Variants in DYM observed in about 807,000 individuals in gnomAD.
DYM encodes the protein dyggve-Melchior-Clausen syndrome protein.
In DYM, 78 loss-of-function variants were observed where a neutral mutation model predicts 93.1. The ratio of observed to expected loss-of-function variants is 0.84; its 90% CI spans 0.70 to 1.01. The LOEUF is 1.01. DYM is among the 50% of genes least tolerant of loss of function. DYM has a pLI of 0.00. For missense variants in DYM, 789 were observed against 845.0 expected (o/e 0.93, Z 0.82); for synonymous variants, 321 against 319.7 (o/e 1.00, Z -0.04).
intron 1 of DYM, among the ~76,000 whole-genome samples, chr18:49,440,948 T>TAA (rs1568451454): frequency 0.013 from 4 of 300 alleles, 2 homozygotes; most frequent in African/African-American, 0.087. Context: ...ATATAATATA[T>TAA]TATATAAATA....
intron 14 of DYM, chr18:49,206,011 G>GTTTTTTTTTTTTTTGTTTTTTTT (rs61590334): frequency 1.0e-4 from 14 of 135,984 alleles, no homozygotes; most frequent in African/African-American, 3.0e-4. Context: ...TTGTTTTTTT[G>GTTTTTTTTTTTTTTGTTTTTTTT]TTTTTTGCGG....
At chr18:49,199,757 A>G (rs2091849117) in intron 14 of DYM, among the ~76,000 whole-genome samples, 1 of 152,220 alleles carries the variant, frequency 6.6e-6, no homozygotes, top group Admixed American at 6.5e-5. Flanking sequence ...AGCAATTTTT[A>G]AAACTTGTTT....
chr18:49,313,446 G>C (rs867632051), intron 8 of DYM, among the ~76,000 whole-genome samples: 4 of 95,424 alleles, frequency 4.2e-5, no homozygotes, highest in Non-Finnish European at 5.7e-5. Flanking sequence ...CTCGGCAACA[G>C]AGCAAGACTC....
intron 10 of DYM, among the ~76,000 whole-genome samples, chr18:49,279,099 G>A (rs2094911827): frequency 6.6e-6 from 1 of 152,110 alleles, no homozygotes; most frequent in African/African-American, 2.4e-5. Context: ...AAATGTAAGA[G>A]TCACTGTATT....
intron 11 of DYM, among the ~76,000 whole-genome samples, chr18:49,266,190 T>C (rs1355058506): frequency 6.6e-6 from 1 of 152,206 alleles, no homozygotes; most frequent in Admixed American, 6.5e-5. Flanking sequence ...AATGTTCTCA[T>C]GCTTCTCACT....
intron 14 of DYM, chr18:49,208,737 T>C (rs1012036160): frequency 6.6e-6 from 1 of 152,152 alleles, no homozygotes; most frequent in Non-Finnish European, 1.5e-5. Flanking sequence ...ATCTAAATCA[T>C]CTGGCAGTGA....
intron 8 of DYM, among the ~76,000 whole-genome samples, chr18:49,307,960 C>T (rs1425459974): frequency 6.6e-6 from 1 of 152,178 alleles, no homozygotes; most frequent in East Asian, 1.9e-4. Flanking sequence ...CAAACTGCAC[C>T]TTTCTCTAGT....
At chr18:49,376,835 A>G (rs1341810928) in intron 5 of DYM, among the ~76,000 whole-genome samples, 3 of 152,226 alleles carry the variant, frequency 2.0e-5, no homozygotes, top group Non-Finnish European at 4.4e-5. Context: ...CTAATTTGGA[A>G]ATACACTGAG....
intron 9 of DYM, among the ~76,000 whole-genome samples, chr18:49,283,544 T>A (rs1338672071): frequency 1.3e-5 from 2 of 152,106 alleles, no homozygotes; most frequent in African/African-American, 4.8e-5. Flanking sequence ...TTAACTGGAT[T>A]TGCTGAGAAA....
chr18:49,126,468 C>T (rs965776111), intron 15 of DYM: 1 of 152,194 alleles, frequency 6.6e-6, no homozygotes, highest in South Asian at 2.1e-4. Flanking sequence ...AAATGAAATT[C>T]TTTATGTTTC....
intron 2 of DYM, among the ~76,000 whole-genome samples, chr18:49,421,894 A>G (rs954317862): frequency 6.6e-6 from 1 of 152,220 alleles, no homozygotes; most frequent in East Asian, 1.9e-4. Context: ...CAACTGAAAG[A>G]AAGGGTATCA....
At chr18:49,409,280 T>C (rs1196139218) in intron 2 of DYM, among the ~76,000 whole-genome samples, 1 of 132,170 alleles carries the variant, frequency 7.6e-6, no homozygotes, top group Non-Finnish European at 1.6e-5. Flanking sequence ...TGAGACTCTG[T>C]CTCAAAAAAA....
chr18:49,178,273 TAA>T (rs948704158), intron 14 of DYM, among the ~76,000 whole-genome samples: 2 of 152,070 alleles, frequency 1.3e-5, no homozygotes, highest in African/African-American at 4.8e-5. Flanking sequence ...GGGAAAAATC[TAA>T]GAGTAGTGTG....
At chr18:49,359,570 C>T (rs545434440) in intron 6 of DYM, among the ~76,000 whole-genome samples, 39 of 152,234 alleles carry the variant, frequency 2.6e-4, no homozygotes, top group African/African-American at 8.9e-4. Flanking sequence ...AATAAGGTAT[C>T]ATTTACATTT....
At position 49,142,010 on chromosome 18, in the gene DYM, C is replaced by T. The variant is rs560192166; in HGVS notation, c.1728+21675G>A. The stretch of plus-strand genomic sequence containing the variant: ...CTGGGACTACAGGCGCCCACCACCA[C>T]GCCCGGCTAATTTTTTTTTTTTTTT... On this transcript the variant is annotated intron_variant, in intron 15 of 17. Transcript: ENST00000675505. Among the ~76,000 whole-genome samples, 10 of 150,922 alleles carry T rather than the reference C, an allele frequency of 6.6e-5. No individual in the cohort carries two copies. The South Asian group carries it at 1.5e-3, about 22-fold the overall frequency.
chr18:49,385,639 G>A (rs1255498344), intron 3 of DYM, among the ~76,000 whole-genome samples: 2 of 151,924 alleles, frequency 1.3e-5, no homozygotes, highest in African/African-American at 2.4e-5. Context: ...AGGTTGCAGT[G>A]AGTGGAGATC....
intron 9 of DYM, among the ~76,000 whole-genome samples, chr18:49,285,597 C>G (rs1000049716): frequency 6.6e-6 from 1 of 152,228 alleles, no homozygotes; most frequent in Non-Finnish European, 1.5e-5. Context: ...TTGAATAGGT[C>G]TGTTGGCTAG....
At chr18:49,266,283 A>G (rs180820461) in intron 11 of DYM, among the ~76,000 whole-genome samples, 102 of 152,290 alleles carry the variant, frequency 6.7e-4, no homozygotes, top group Middle Eastern at 3.4e-3. Flanking sequence ...GCTTTCCAAA[A>G]TCTCTTTTCT....
intron 11 of DYM, 133 bp downstream of exon 11, chr18:49,272,044 AG>A (rs1306307320): frequency 1.4e-6 from 1 of 706,452 alleles, no homozygotes; most frequent in African/African-American, 1.8e-5. Context: ...ATAAATCTGA[AG>A]AAAGACATAA....
Sources: gnomAD v4.1 joint callset for allele counts (sites outside exome capture counted in the v4.1 genomes callset) on GRCh38, gnomAD v4.1.1 for gene constraint, MANE v1.5 for transcripts, NCBI Gene and HGNC (gene_info 2026-07-23, HGNC 2026-07-21) for gene names.